The following STARD13 variants were observed in gnomAD, a reference collection of about 807,000 sequenced individuals.
STARD13 encodes StAR related lipid transfer domain containing 13.
A neutral mutation model predicts 106.4 loss-of-function variants in STARD13; 62 were observed. That is an observed-to-expected ratio of 0.58 (90% CI 0.48 to 0.72). STARD13 has a LOEUF of 0.72. Among genes scored for constraint, STARD13 ranks in the 30% least tolerant of loss-of-function variants. STARD13 has a pLI of 0.00. For synonymous variants in STARD13, 565 were observed against 553.0 expected (o/e 1.02, Z -0.31); for missense variants, 1,387 against 1,424.0 (o/e 0.97, Z 0.42).
intron 4 of STARD13, among the ~76,000 whole-genome samples, chr13:33,135,438 A>G (rs1050955508): frequency 1.3e-5 from 2 of 152,220 alleles, no homozygotes; most frequent in Admixed American, 6.5e-5. Flanking sequence ...GTGTGTGGTC[A>G]ATCTGATTTA....
At chr13:33,664,268 C>T in the STARD13 span, among the ~76,000 whole-genome samples, 3 of 152,192 alleles carry the variant, frequency 2.0e-5, no homozygotes, top group Admixed American at 2.0e-4. Context: ...TCCACTATCA[C>T]ATACAACACT....
At chr13:33,448,161 A>G in the STARD13 span, among the ~76,000 whole-genome samples, 1 of 152,148 alleles carries the variant, frequency 6.6e-6, no homozygotes, top group Non-Finnish European at 1.5e-5. Context: ...TAGCGTATCC[A>G]GCACTTAAAT....
chr13:33,252,321 A>G (rs1351523487), intron 1 of STARD13, among the ~76,000 whole-genome samples: 5 of 152,206 alleles, frequency 3.3e-5, no homozygotes, highest in Non-Finnish European at 5.9e-5. Flanking sequence ...AAGGGCCTCA[A>G]GAGGCTGCCC....
chr13:33,350,281 G>T, intron 1 of STARD13: 2 of 1,528,790 alleles, frequency 1.3e-6, no homozygotes, highest in East Asian at 2.5e-5. Flanking sequence ...GCGTCTCCGG[G>T]GCACTGACCT....
chr13:33,505,826 A>G, the STARD13 span, among the ~76,000 whole-genome samples: 4 of 152,158 alleles, frequency 2.6e-5, no homozygotes, highest in East Asian at 1.9e-4. Context: ...CAGTTCTTAC[A>G]TGATATAGCT....
At chr13:33,131,240 G>T (rs1289665138) in intron 4 of STARD13, among the ~76,000 whole-genome samples, 2 of 152,082 alleles carry the variant, frequency 1.3e-5, no homozygotes, top group African/African-American at 4.8e-5. Context: ...TCCTCACCAA[G>T]CACATCACCA....
At chr13:33,651,335 G>C in the STARD13 span, among the ~76,000 whole-genome samples, 1 of 152,128 alleles carries the variant, frequency 6.6e-6, no homozygotes, top group Non-Finnish European at 1.5e-5. Flanking sequence ...GGAGTTGTAA[G>C]ACATCAAAGA....
intron 1 of STARD13, among the ~76,000 whole-genome samples, chr13:33,206,476 G>A (rs975079068): frequency 6.6e-6 from 1 of 151,948 alleles, no homozygotes; most frequent in African/African-American, 2.4e-5. Flanking sequence ...TGCCAAAATA[G>A]GATATAACAA....
intron 1 of STARD13, among the ~76,000 whole-genome samples, chr13:33,304,474 A>T (rs992765870): frequency 9.9e-5 from 15 of 152,172 alleles, no homozygotes; most frequent in African/African-American, 3.4e-4. Flanking sequence ...ATCTGTCAAC[A>T]TTCCATGTAA....
intron 1 of STARD13, among the ~76,000 whole-genome samples, chr13:33,248,283 G>A (rs1211511078): frequency 6.6e-6 from 1 of 152,068 alleles, no homozygotes; most frequent in Non-Finnish European, 1.5e-5. Context: ...GCTGTGGTGA[G>A]CTATAATCCT....
At chr13:33,481,860 TA>T in the STARD13 span, among the ~76,000 whole-genome samples, 78,865 of 151,434 alleles carry the variant, frequency 0.52, 21,375 homozygotes, top group African/African-American at 0.68. Context: ...CGGGCGCCTG[TA>T]AGTCCCAGCT....
chr13:33,137,553 C>A (rs1303489950), intron 4 of STARD13, among the ~76,000 whole-genome samples: 2 of 152,176 alleles, frequency 1.3e-5, no homozygotes, highest in African/African-American at 4.8e-5. Context: ...TAGAAGGAAT[C>A]AGCTCCTAGC....
intron 1 of STARD13, among the ~76,000 whole-genome samples, chr13:33,299,837 G>A (rs768106365): frequency 4.9e-4 from 74 of 152,268 alleles, no homozygotes; most frequent in Non-Finnish European, 8.2e-4. Flanking sequence ...CATCTCTGTC[G>A]TAATAAAGCT....
At chr13:33,231,561 G>A (rs546430134) in intron 1 of STARD13, among the ~76,000 whole-genome samples, 41 of 152,224 alleles carry the variant, frequency 2.7e-4, no homozygotes, top group East Asian at 5.8e-4. Context: ...TGGGCCATGC[G>A]CATCATCTTG....
chr13:33,203,784 T>C (rs1887217683), intron 1 of STARD13, among the ~76,000 whole-genome samples: 1 of 152,218 alleles, frequency 6.6e-6, no homozygotes, highest in Non-Finnish European at 1.5e-5. Flanking sequence ...TTAATTTTGT[T>C]TTAACTTTAA....
At chr13:33,371,476 A>G in the STARD13 span, among the ~76,000 whole-genome samples, 2 of 152,368 alleles carry the variant, frequency 1.3e-5, no homozygotes, top group East Asian at 1.9e-4. Flanking sequence ...TAAAGAAACA[A>G]TCTTTTAATT....
chr13:33,175,600 C>T (rs1029001934), intron 1 of STARD13, among the ~76,000 whole-genome samples: 2 of 152,138 alleles, frequency 1.3e-5, no homozygotes, highest in South Asian at 4.2e-4. Context: ...GAGCCGAGCT[C>T]CAACTTCCAC....
At chr13:33,640,075 G>T in the STARD13 span, among the ~76,000 whole-genome samples, 1 of 152,184 alleles carries the variant, frequency 6.6e-6, no homozygotes, top group African/African-American at 2.4e-5. Flanking sequence ...ACCATGAGTT[G>T]CTGTTTTCAG....
the STARD13 span, among the ~76,000 whole-genome samples, chr13:33,417,209 A>G: frequency 6.6e-6 from 1 of 152,322 alleles, no homozygotes; most frequent in South Asian, 2.1e-4. Flanking sequence ...CTATAATAAA[A>G]AAGACAAATA....
Sources: allele counts gnomAD v4.1 joint callset (sites outside exome capture counted in the v4.1 genomes callset), GRCh38; gene constraint gnomAD v4.1.1; transcripts MANE v1.5; gene names NCBI Gene and HGNC (gene_info 2026-07-23, HGNC 2026-07-21).